The following UBE2H variants were observed in gnomAD, a reference collection of about 807,000 sequenced individuals.
UBE2H encodes the protein ubiquitin conjugating enzyme E2 H.
In UBE2H, 3 loss-of-function variants were observed where a neutral mutation model predicts 29.0. The observed-to-expected ratio is 0.10, with a 90% CI of 0.05 to 0.27. The LOEUF is 0.27. Ranked by LOEUF, UBE2H falls within the 10% of genes least tolerant of loss-of-function variation. UBE2H has a pLI of 1.00. For synonymous variants in UBE2H, 69 were observed against 82.9 expected (o/e 0.83, Z 0.91); for missense variants, 68 against 228.2 (o/e 0.30, Z 4.52).
At chr7:129,926,650 G>A (rs1807276611) in intron 1 of UBE2H, among the ~76,000 whole-genome samples, 1 of 151,968 alleles carries the variant, frequency 6.6e-6, no homozygotes, top group Non-Finnish European at 1.5e-5. Context: ...CTCATATAAT[G>A]TGCCACAAAT....
At chr7:129,865,442 T>C (rs376456311) in intron 3 of UBE2H, among the ~76,000 whole-genome samples, 1 of 152,136 alleles carries the variant, frequency 6.6e-6, no homozygotes, top group African/African-American at 2.4e-5. Context: ...ATGATCAAAT[T>C]TGTGGGTAGA....
chr7:129,898,926 TAG>T lies in UBE2H; in HGVS notation c.54-17957_54-17956del, dbSNP rs1400924654. ...ACTACCATTGCTTATGCACTTTCCA[TAG>T]AGATGTTTATATACACACACATCCA... is the stretch of plus-strand genomic sequence containing the variant. On this transcript the variant is annotated intron_variant, in intron 1 of 6. Coordinates refer to ENST00000355621, the MANE Select transcript of UBE2H (RefSeq NM_003344.4). 2.6e-5 allele frequency among the ~76,000 whole-genome samples: 4 copies of T among 151,922 alleles called. No homozygotes were observed. In the East Asian group the frequency reaches 7.7e-4, roughly 29 times the overall value.
intron 1 of UBE2H, among the ~76,000 whole-genome samples, chr7:129,921,587 T>C (rs1002912057): frequency 1.3e-5 from 2 of 149,936 alleles, no homozygotes; most frequent in Non-Finnish European, 2.9e-5. Context: ...TGGTCCCAGC[T>C]ACTTGGGAGG....
chr7:129,932,740 C>T (rs1807433801), intron 1 of UBE2H, among the ~76,000 whole-genome samples: 1 of 145,182 alleles, frequency 6.9e-6, no homozygotes, highest in African/African-American at 2.6e-5. Flanking sequence ...CGCCATTGCA[C>T]TCCAGCCTGG....
Position 129,831,441 on chromosome 7 carries a change from C to T in UBE2H, c.*3496G>A, listed in dbSNP as rs1328973610. On this transcript the variant is annotated 3_prime_UTR_variant, in exon 7 of 7. Transcript: ENST00000355621. ...CGGAGGATCTGTCTTTCATGATTCTCAGCCATCCCAACGGGAGGCCTAACA... is the reference window on the plus strand; with the variant it reads ...CGGAGGATCTGTCTTTCATGATTCTTAGCCATCCCAACGGGAGGCCTAACA... The T allele has an allele frequency of 6.6e-6, 1 of 152,200 alleles. No individual in the cohort carries two copies. The allele number at this position is 152,200 out of a possible 1,614,324, so 9.4% of individuals were successfully genotyped here. A position where few individuals can be genotyped will look rare whatever the true frequency, so the allele number is the denominator to read the frequency against.
chr7:129,844,772 A>G (rs2693721), intron 5 of UBE2H, among the ~76,000 whole-genome samples: 131 of 152,352 alleles, frequency 8.6e-4, no homozygotes, highest in African/African-American at 3.0e-3. Context: ...CTGATCTTAC[A>G]TTAATGTTAA....
intron 3 of UBE2H, among the ~76,000 whole-genome samples, chr7:129,861,018 T>C (rs895935242): frequency 1.3e-5 from 2 of 152,026 alleles, no homozygotes; most frequent in African/African-American, 2.4e-5. Flanking sequence ...GGTCAGGAGT[T>C]CAAGACCAGC....
Position 129,880,868 on chromosome 7 carries a change from A to C in UBE2H, c.130+27T>G, listed in dbSNP as rs1397337906. The C allele has an allele frequency of 5.0e-6, 8 of 1,585,006 alleles. No individual in the cohort carries two copies. In the South Asian group the frequency reaches 8.9e-5, roughly 18 times the overall value. ...AAACAGAGTAAAAGACTGTAATAGA[A>C]GAACACATACCAACACATGTACTTA... On this transcript the variant is annotated intron_variant, in intron 2 of 6. Coordinates refer to ENST00000355621, the MANE Select transcript of UBE2H (RefSeq NM_003344.4).
At chr7:129,859,404 T>C (rs2116319610) in intron 3 of UBE2H, among the ~76,000 whole-genome samples, 1 of 152,286 alleles carries the variant, frequency 6.6e-6, no homozygotes, top group Non-Finnish European at 1.5e-5. Context: ...GGAACATGAA[T>C]GAAACTGTTG....
At chr7:129,924,349 C>G (rs1349396810) in intron 1 of UBE2H, among the ~76,000 whole-genome samples, 1 of 152,190 alleles carries the variant, frequency 6.6e-6, no homozygotes, top group African/African-American at 2.4e-5. Context: ...ACACAGGTTT[C>G]TGAATGTGAA....
intron 1 of UBE2H, among the ~76,000 whole-genome samples, chr7:129,940,540 A>C (rs1226327384): frequency 6.6e-6 from 1 of 152,156 alleles, no homozygotes; most frequent in Non-Finnish European, 1.5e-5. Context: ...CCTCTCTCTG[A>C]CTTCTCTGCA....
chr7:129,892,364 T>C (rs1227061626), intron 1 of UBE2H, among the ~76,000 whole-genome samples: 1 of 151,916 alleles, frequency 6.6e-6, no homozygotes, highest in Non-Finnish European at 1.5e-5. Flanking sequence ...CGATTCTCCT[T>C]CCTCAGCCTC....
At chr7:129,853,403 A>AG (rs1805644665) in intron 5 of UBE2H, among the ~76,000 whole-genome samples, 1 of 152,188 alleles carries the variant, frequency 6.6e-6, no homozygotes, top group Non-Finnish European at 1.5e-5. Context: ...CTGGAAGAGC[A>AG]GGAAGGGATG....
At chr7:129,899,779 A>T (rs1806671777) in intron 1 of UBE2H, among the ~76,000 whole-genome samples, 1 of 152,220 alleles carries the variant, frequency 6.6e-6, no homozygotes, top group Non-Finnish European at 1.5e-5. Context: ...AACAACAAGG[A>T]GTAGTATTTT....
chr7:129,888,541 C>T (rs1806410132), intron 1 of UBE2H, among the ~76,000 whole-genome samples: 1 of 152,082 alleles, frequency 6.6e-6, no homozygotes, highest in African/African-American at 2.4e-5. Context: ...GTGGCCTGAT[C>T]TCAGCTCACT....
At chr7:129,926,381 T>G (rs1286293406) in intron 1 of UBE2H, among the ~76,000 whole-genome samples, 2 of 151,570 alleles carry the variant, frequency 1.3e-5, no homozygotes, top group South Asian at 2.1e-4. Context: ...TGGTGGCACA[T>G]GCCTGTAATC....
At chr7:129,923,882 T>C (rs1399097266) in intron 1 of UBE2H, among the ~76,000 whole-genome samples, 5 of 152,146 alleles carry the variant, frequency 3.3e-5, no homozygotes, top group African/African-American at 9.7e-5. Flanking sequence ...CTCCACAGGA[T>C]AGAATCAGAA....
chr7:129,876,176 T>G (rs976017662), intron 3 of UBE2H, among the ~76,000 whole-genome samples: 1 of 152,150 alleles, frequency 6.6e-6, no homozygotes, highest in Non-Finnish European at 1.5e-5. Flanking sequence ...TACCCCGAGT[T>G]TTAATACACT....
chr7:129,900,295 G>A (rs1258314837), intron 1 of UBE2H, among the ~76,000 whole-genome samples: 1 of 152,062 alleles, frequency 6.6e-6, no homozygotes, highest in Non-Finnish European at 1.5e-5. Context: ...AGAATGACAT[G>A]GATTTAATTA....
Sources: allele counts gnomAD v4.1 joint callset (sites outside exome capture counted in the v4.1 genomes callset), GRCh38; gene constraint gnomAD v4.1.1; transcripts MANE v1.5; gene names NCBI Gene and HGNC (gene_info 2026-07-23, HGNC 2026-07-21).